Variants in KPNA5 observed in about 807,000 individuals in gnomAD.
KPNA5 encodes the protein karyopherin subunit alpha 5, also known as importin subunit alpha-6.
In KPNA5, 46 loss-of-function variants were observed where a neutral mutation model predicts 71.3. The observed-to-expected ratio is 0.65, with a 90% CI of 0.51 to 0.83. The LOEUF (loss-of-function observed/expected upper bound fraction) is 0.83, where lower values mean the gene tolerates loss of function less well. Ranked by LOEUF, KPNA5 falls within the 40% of genes least tolerant of loss-of-function variation. KPNA5 has a pLI of 0.00. For missense variants in KPNA5, 547 were observed against 628.3 expected (o/e 0.87, Z 1.38); for synonymous variants, 207 against 201.4 (o/e 1.03, Z -0.24).
chr6:116,691,669 A>C (rs1777805855), intron 2 of KPNA5, among the ~76,000 whole-genome samples: 1 of 152,198 alleles, frequency 6.6e-6, no homozygotes, highest in African/African-American at 2.4e-5. Flanking sequence ...ATCAGATGTT[A>C]TCTTTCATAT....
intron 6 of KPNA5, among the ~76,000 whole-genome samples, chr6:116,704,019 A>G (rs1397134524): frequency 6.6e-6 from 1 of 151,914 alleles, no homozygotes; most frequent in Non-Finnish European, 1.5e-5. Flanking sequence ...ACAGCATGTT[A>G]CTGTACTAAA....
At position 116,733,623 on chromosome 6, in the gene KPNA5, TACTCTCACAGTTCA is replaced by T. The variant is rs1304008648; in HGVS notation, c.*1304_*1317del. The T allele has an allele frequency of 6.6e-6, 1 of 151,328 alleles. No individual in the cohort carries two copies. The highest frequency in any genetic ancestry group is 1.5e-5 in the Non-Finnish European group (1 of 67,598). 9.4% of individuals were successfully genotyped at this position (151,328 alleles called of 1,614,324 possible). A position where few individuals can be genotyped will look rare whatever the true frequency, so the allele number is the denominator to read the frequency against. On this transcript the variant is annotated 3_prime_UTR_variant, in exon 14 of 14. Coordinates refer to ENST00000368564, the MANE Select transcript of KPNA5 (RefSeq NM_001366306.2). ...TTTATACATATATATGTGTGTGTGT[TACTCTCACAGTTCA>T]ACTACTGTTGAACTCAATCTTTTAA... is the stretch of plus-strand genomic sequence containing the variant.
intron 4 of KPNA5, among the ~76,000 whole-genome samples, chr6:116,694,950 C>G (rs1777965461): frequency 6.6e-6 from 1 of 152,012 alleles, no homozygotes; most frequent in South Asian, 2.1e-4. Context: ...ATTCACAATT[C>G]TCTTTTTCTT....
intron 8 of KPNA5, among the ~76,000 whole-genome samples, chr6:116,717,787 C>T (rs1778943999): frequency 6.6e-6 from 1 of 152,134 alleles, no homozygotes; most frequent in Non-Finnish European, 1.5e-5. Flanking sequence ...GCCTCCATGT[C>T]CAGTGCCCTC....
At chr6:116,693,663 A>C (rs1229211611) in intron 4 of KPNA5, among the ~76,000 whole-genome samples, 1 of 152,060 alleles carries the variant, frequency 6.6e-6, no homozygotes, top group Non-Finnish European at 1.5e-5. Context: ...TAGATTGCAA[A>C]AATTTTCTCC....
chr6:116,700,652 C>A (rs754625401), intron 5 of KPNA5, among the ~76,000 whole-genome samples: 62 of 152,160 alleles, frequency 4.1e-4, no homozygotes, highest in Non-Finnish European at 7.8e-4. Context: ...AAATTGGGGG[C>A]CTACAAACAA....
In KPNA5 at chr6:116,709,933, G is replaced by A. The variant is rs554189694; in HGVS notation, c.656+4773G>A. On this transcript the variant is annotated intron_variant, in intron 7 of 13. Transcript: ENST00000368564. ...GCACTACCACGCCCAGCTAATTTTT[G>A]TATTTTTAGTAGAGACAGGGTTTCA... Among the ~76,000 whole-genome samples the A allele has an allele frequency of 2.6e-5, 4 of 151,930 alleles. No individual in the cohort carries two copies. In the South Asian group the frequency reaches 6.2e-4, roughly 24 times the overall value.
At chr6:116,717,166 T>G (rs1171727323) in intron 8 of KPNA5, among the ~76,000 whole-genome samples, 1 of 152,246 alleles carries the variant, frequency 6.6e-6, no homozygotes, top group Non-Finnish European at 1.5e-5. Flanking sequence ...TGCCGTGATT[T>G]GTGCTAACAT....
rs1779639993 is a variant in KPNA5, at chr6:116,735,492, T to C, written c.*3169T>C. The stretch of plus-strand genomic sequence containing the variant: ...TTTAGGAGCCAATATAATAGAGCTC[T>C]AAAAGGATAGTATATCTTTAAATTC... On this transcript the variant is annotated 3_prime_UTR_variant, in exon 14 of 14. Coordinates refer to ENST00000368564, the MANE Select transcript of KPNA5 (RefSeq NM_001366306.2). The C allele has an allele frequency of 2.0e-5, 3 of 151,722 alleles. No homozygotes were observed. The highest frequency in any genetic ancestry group is 1.9e-4 in the East Asian group (1 of 5,194). The allele number at this position is 151,722 out of a possible 1,614,324, so 9.4% of individuals were successfully genotyped here.
intron 10 of KPNA5, among the ~76,000 whole-genome samples, chr6:116,724,936 A>G (rs894734273): frequency 1.9e-4 from 29 of 152,152 alleles, no homozygotes; most frequent in African/African-American, 6.8e-4. Context: ...GAAGATAGAA[A>G]CTTAAATTAT....
chr6:116,716,851 G>T (rs1778906855), intron 8 of KPNA5, among the ~76,000 whole-genome samples: 1 of 151,972 alleles, frequency 6.6e-6, no homozygotes, highest in Non-Finnish European at 1.5e-5. Context: ...ATGGCACAAT[G>T]ACTCTAGCAC....
intron 8 of KPNA5, among the ~76,000 whole-genome samples, chr6:116,717,628 TA>T (rs954733928): frequency 1.3e-5 from 2 of 152,144 alleles, no homozygotes; most frequent in Non-Finnish European, 2.9e-5. Context: ...GAAGTTTATT[TA>T]AAAGGCTTTA....
chr6:116,735,394 A>G lies in KPNA5; in HGVS notation c.*3071A>G, dbSNP rs1779636408. 1 of 151,714 alleles carries G rather than the reference A, an allele frequency of 6.6e-6. No individual in the cohort carries two copies. The highest frequency in any genetic ancestry group is 6.6e-5 in the Admixed American group (1 of 15,164). The allele number at this position is 151,714 out of a possible 1,614,324, so 9.4% of individuals were successfully genotyped here. On this transcript the variant is annotated 3_prime_UTR_variant, in exon 14 of 14. Coordinates refer to ENST00000368564, the MANE Select transcript of KPNA5 (RefSeq NM_001366306.2). ...CAGCAATCTACTGGCTGCTTGCGAA[A>G]CTGTGAAATCAAATTGTTCTTAACC...
rs754400911 is a variant in KPNA5, at chr6:116,732,343, T to A, written c.*20T>A. ...CTTTAACTTACTGGAGGAAAAAAAATTTATGGCTAAAAAGGGTAGCTTCAG... is the reference window on the plus strand; with the variant it reads ...CTTTAACTTACTGGAGGAAAAAAAAATTATGGCTAAAAAGGGTAGCTTCAG... On this transcript the variant is annotated 3_prime_UTR_variant, in exon 14 of 14. Transcript: ENST00000368564. 44 of 1,429,520 alleles carry A rather than the reference T, an allele frequency of 3.1e-5. No homozygotes were observed. Among genetic ancestry groups the A allele is most frequent in the Non-Finnish European group, 3.5e-5 (38 of 1,072,668 alleles). The allele number at this position is 1,429,520 out of a possible 1,614,324, so 88.6% of individuals were successfully genotyped here.
At chr6:116,728,850 C>T (rs1353615223) in intron 12 of KPNA5, among the ~76,000 whole-genome samples, 1 of 152,000 alleles carries the variant, frequency 6.6e-6, no homozygotes, top group Non-Finnish European at 1.5e-5. Flanking sequence ...TGTTTTTAAC[C>T]TTTGTACTTA....
At position 116,692,071 on chromosome 6, in the gene KPNA5, ATGTC is replaced by A; in HGVS notation, c.157_160del (p.Val53IlefsTer38). ...TTATTACAGTTGTTCAAACGCAGAA[ATGTC>A]TATTTGCCCAGAAATGATGAATCTA... On this transcript the variant is annotated frameshift_variant, in exon 3 of 14. Transcript: ENST00000368564. LOFTEE classifies it high-confidence loss of function. 1.2e-6 allele frequency: 2 copies of A among 1,610,742 alleles called. No homozygotes were observed. Among genetic ancestry groups the A allele is most frequent in the South Asian group, 2.2e-5 (2 of 90,890 alleles).
At chr6:116,727,399 AC>A (rs1245622463) in intron 12 of KPNA5, among the ~76,000 whole-genome samples, 2 of 152,100 alleles carry the variant, frequency 1.3e-5, no homozygotes, top group African/African-American at 4.8e-5. Flanking sequence ...AAATGCCAGT[AC>A]AACACTACAA....
intron 1 of KPNA5, among the ~76,000 whole-genome samples, chr6:116,689,071 A>C (rs1562427015): frequency 6.6e-6 from 1 of 152,202 alleles, no homozygotes; most frequent in Non-Finnish European, 1.5e-5. Context: ...AGAATCAATA[A>C]GATAGGGTAA....
Position 116,738,250 on chromosome 6 carries a change from GA to G in KPNA5, c.*5929del, listed in dbSNP as rs1449564473. ...CTACGCAAATATACTAGAAAATCTA[GA>G]AGAAATGGATAAATTCCTCGACACA... On this transcript the variant is annotated 3_prime_UTR_variant, in exon 14 of 14. Transcript: ENST00000368564. The G allele has an allele frequency of 6.6e-6, 1 of 152,102 alleles. No homozygotes were observed. The highest frequency in any genetic ancestry group is 1.9e-4 in the East Asian group (1 of 5,194). The allele number at this position is 152,102 out of a possible 1,614,324, so 9.4% of individuals were successfully genotyped here. A position where few individuals can be genotyped will look rare whatever the true frequency, so the allele number is the denominator to read the frequency against.
Sources: allele counts gnomAD v4.1 joint callset (sites outside exome capture counted in the v4.1 genomes callset), GRCh38; gene constraint gnomAD v4.1.1; transcripts MANE v1.5; gene names NCBI Gene and HGNC (gene_info 2026-07-23, HGNC 2026-07-21).